The following DBNL variants were observed in gnomAD, a reference collection of about 807,000 sequenced individuals.
DBNL encodes drebrin-like protein.
Under a neutral mutation model 62.2 loss-of-function variants are expected in DBNL, and 35 were observed. That is an observed-to-expected ratio of 0.56 (90% confidence interval 0.43 to 0.75). DBNL has a LOEUF of 0.75. DBNL is among the 30% of genes least tolerant of loss of function. The probability of loss-of-function intolerance (pLI) is 0.00; values close to 1 mark genes in which losing one functional copy is unlikely to be tolerated. For missense variants in DBNL, 495 were observed against 578.4 expected, an observed-to-expected ratio of 0.86 and a Z score of 1.48; for synonymous variants, 197 against 218.0, an observed-to-expected ratio of 0.90 and a Z score of 0.85.
In DBNL at chr7:44,064,793, G is replaced by GCCCCCCCCC; in HGVS notation, c.*3880_*3881insCCCCCCCCC. 8.8e-7 allele frequency: 1 copy of GCCCCCCCCC among 1,136,978 alleles called. No individual in the cohort carries two copies. Among genetic ancestry groups the GCCCCCCCCC allele is most frequent in the Non-Finnish European group, 1.3e-6 (1 of 773,396 alleles). 70.4% of individuals were successfully genotyped at this position (1,136,978 alleles called of 1,614,324 possible). A position where few individuals can be genotyped will look rare whatever the true frequency, so the allele number is the denominator to read the frequency against. On this transcript the variant is annotated 3_prime_UTR_variant, in exon 13 of 13. Transcript: ENST00000448521. Reference sequence around the variant, plus strand: ...AGATGAGAAGCCAGCTGGGGCTGCTGCCCACCCACCCTGCCCAGGCTCCTG... The same window carrying GCCCCCCCCC: ...AGATGAGAAGCCAGCTGGGGCTGCTGCCCCCCCCCCCCACCCACCCTGCCCAGGCTCCTG...
In DBNL at chr7:44,065,621, A is replaced by G; in HGVS notation, c.*4705A>G. 8.2e-7 allele frequency: 1 copy of G among 1,223,996 alleles called. No homozygotes were observed. The highest frequency in any genetic ancestry group is 1.2e-6 in the Non-Finnish European group (1 of 847,080). 75.8% of individuals were successfully genotyped at this position (1,223,996 alleles called of 1,614,324 possible). On this transcript the variant is annotated 3_prime_UTR_variant, in exon 13 of 13. Coordinates refer to ENST00000448521, the MANE Select transcript of DBNL (RefSeq NM_001014436.3). ...AATAGTGTCTTCCCAGCCCCCACCC[A>G]CCCCAGCCAACTGCCAATCAGCATT...
chr7:44,058,838 G>A (rs767084129), intron 8 of DBNL, 64 bp from the exon 9 acceptor site: 9 of 1,597,826 alleles, frequency 5.6e-6, no homozygotes, highest in Non-Finnish European at 6.9e-6. Flanking sequence ...TGGAGGGGCT[G>A]TGATCTGGGG....
In DBNL at chr7:44,065,674, G is replaced by C; in HGVS notation, c.*4758G>C. On this transcript the variant is annotated 3_prime_UTR_variant, in exon 13 of 13. Coordinates refer to ENST00000448521, the MANE Select transcript of DBNL (RefSeq NM_001014436.3). The stretch of plus-strand genomic sequence containing the variant: ...AGGCGGTGGCAGGTGACCAGTAGCT[G>C]AGCTGCTGGGGGCTGGGGGCCAGGG... The C allele has an allele frequency of 2.6e-6, 2 of 775,232 alleles. No homozygotes were observed. Among genetic ancestry groups the C allele is most frequent in the South Asian group, 1.5e-5 (1 of 65,232 alleles). 48.0% of individuals were successfully genotyped at this position (775,232 alleles called of 1,614,324 possible).
In DBNL at chr7:44,062,466, C is replaced by A; in HGVS notation, c.*1550C>A. 2.3e-6 allele frequency: 1 copy of A among 435,616 alleles called. No homozygotes were observed. Among genetic ancestry groups the A allele is most frequent in the Non-Finnish European group, 4.3e-6 (1 of 232,286 alleles). 27.0% of individuals were successfully genotyped at this position (435,616 alleles called of 1,614,324 possible). On this transcript the variant is annotated 3_prime_UTR_variant, in exon 13 of 13. Transcript: ENST00000448521. ...GTCACTTGGCCTCTTCTAACTGGCC[C>A]CAAGCACGCCAATTCTGGAGCATGG...
At chr7:44,051,974 C>T (rs1451758082) in intron 3 of DBNL, 32 bp downstream of exon 3, 1 of 1,588,858 alleles carries the variant, frequency 6.3e-7, no homozygotes, top group Non-Finnish European at 8.6e-7. Flanking sequence ...TAGGTGTGAC[C>T]CAGGAAACCC....
chr7:44,058,320 G>C (rs770522281), intron 7 of DBNL, 40 bp downstream of exon 7: 115 of 1,588,128 alleles, frequency 7.2e-5, no homozygotes, highest in Non-Finnish European at 9.4e-5. Flanking sequence ...GACCCACCCT[G>C]AGGCATTGCT....
chr7:44,045,219 G>A (rs2096114892), intron 1 of DBNL, among the ~76,000 whole-genome samples: 1 of 152,206 alleles, frequency 6.6e-6, no homozygotes, highest in African/African-American at 2.4e-5. Context: ...CTGAGAAGGC[G>A]GAAGCCACGC....
intron 4 of DBNL, among the ~76,000 whole-genome samples, chr7:44,054,611 A>C (rs2096132703): frequency 6.6e-6 from 1 of 152,202 alleles, no homozygotes; most frequent in Non-Finnish European, 1.5e-5. Context: ...TCATCACCTC[A>C]AACATTTATC....
rs1300240665 is a variant in DBNL at position 44,068,021 on chromosome 7, C to T, written c.*7105C>T. The T allele has an allele frequency of 6.6e-6, 1 of 152,128 alleles. No individual in the cohort carries two copies. The highest frequency in any genetic ancestry group is 1.5e-5 in the Non-Finnish European group (1 of 68,024). The allele number at this position is 152,128 out of a possible 1,614,324, so 9.4% of individuals were successfully genotyped here. On this transcript the variant is annotated 3_prime_UTR_variant, in exon 13 of 13. Transcript: ENST00000448521. ...GAATCCCTCCAATTTTTCTTTTCTT[C>T]TCTACCCCAGCTCCTGGGCAGTAAC...
At position 44,044,715 on chromosome 7, in the gene DBNL, G is replaced by A. The variant is rs2096113549; in HGVS notation, c.-23G>A. On this transcript the variant is annotated 5_prime_UTR_variant, in exon 1 of 13. Coordinates refer to ENST00000448521, the MANE Select transcript of DBNL (RefSeq NM_001014436.3). Reference sequence around the variant, plus strand: ...GCCCGGCCCGGAAGCTACAGCAGCGGCGCGGAGACTGCGGGGCGGGCCATG... The same window carrying A: ...GCCCGGCCCGGAAGCTACAGCAGCGACGCGGAGACTGCGGGGCGGGCCATG... The A allele has an allele frequency of 2.0e-6, 3 of 1,483,950 alleles. No homozygotes were observed. Among genetic ancestry groups the A allele is most frequent in the Non-Finnish European group, 2.7e-6 (3 of 1,119,408 alleles). The allele number at this position is 1,483,950 out of a possible 1,614,324, so 91.9% of individuals were successfully genotyped here. A position where few individuals can be genotyped will look rare whatever the true frequency, so the allele number is the denominator to read the frequency against.
In DBNL at chr7:44,062,780, T is replaced by C; in HGVS notation, c.*1864T>C. On this transcript the variant is annotated 3_prime_UTR_variant, in exon 13 of 13. Coordinates refer to ENST00000448521, the MANE Select transcript of DBNL (RefSeq NM_001014436.3). Reference sequence around the variant, plus strand: ...GCCCACCCCTCACTTGGCCTTGCCCTGGGCAGCCACAGCCTCCATGGCCTT... The same window carrying C: ...GCCCACCCCTCACTTGGCCTTGCCCCGGGCAGCCACAGCCTCCATGGCCTT... 2 of 1,614,208 alleles carry C rather than the reference T, an allele frequency of 1.2e-6. No individual in the cohort carries two copies. The highest frequency in any genetic ancestry group is 2.2e-5 in the East Asian group (1 of 44,880).
intron 1 of DBNL, among the ~76,000 whole-genome samples, chr7:44,048,240 T>G (rs910710024): frequency 1.3e-5 from 2 of 152,220 alleles, no homozygotes; most frequent in Non-Finnish European, 2.9e-5. Context: ...AGAGCTGGGT[T>G]GAGCTGCCAT....
intron 8 of DBNL, 85 bp from the exon 9 acceptor site, chr7:44,058,817 G>T: frequency 6.6e-7 from 1 of 1,521,614 alleles, no homozygotes; most frequent in African/African-American, 1.4e-5. Flanking sequence ...AGGGGCTACT[G>T]GGCCGACAGC....
rs1308236739 is a variant in DBNL, at chr7:44,065,387, G to A, written c.*4471G>A. The A allele has an allele frequency of 1.9e-6, 3 of 1,613,906 alleles. No homozygotes were observed. The highest frequency in any genetic ancestry group is 2.5e-6 in the Non-Finnish European group (3 of 1,180,048). ...GTAGCAGATGTCAAACTCCATCTTG[G>A]CATCCTTGATGGCCTTGGCTCCCCG... On this transcript the variant is annotated 3_prime_UTR_variant, in exon 13 of 13. Coordinates refer to ENST00000448521, the MANE Select transcript of DBNL (RefSeq NM_001014436.3).
At position 44,065,055 on chromosome 7, in the gene DBNL, G is replaced by C; in HGVS notation, c.*4139G>C. On this transcript the variant is annotated 3_prime_UTR_variant, in exon 13 of 13. Coordinates refer to ENST00000448521, the MANE Select transcript of DBNL (RefSeq NM_001014436.3). ...GCTGCTTTCCCTCCCAAGCCAGTGG[G>C]CCCCCACCCGACTCCCCACTCTGCA... 6.2e-7 allele frequency: 1 copy of C among 1,609,530 alleles called. No homozygotes were observed. The highest frequency in any genetic ancestry group is 8.5e-7 in the Non-Finnish European group (1 of 1,179,720).
chr7:44,051,341 G>A (rs545131226), intron 2 of DBNL: 1 of 160,444 alleles, frequency 6.2e-6, no homozygotes, highest in Admixed American at 6.0e-5. Flanking sequence ...CGCCACTGCA[G>A]GATGTTCAAT....
In DBNL at chr7:44,060,950, A is replaced by G. The variant is rs775238662; in HGVS notation, c.*34A>G. The G allele has an allele frequency of 3.8e-5, 61 of 1,603,152 alleles. No homozygotes were observed. In the Middle Eastern group the frequency reaches 2.2e-3, roughly 57 times the overall value. On this transcript the variant is annotated 3_prime_UTR_variant, in exon 13 of 13. Transcript: ENST00000448521. The surrounding 1 kb of genome is among the most constrained non-coding windows in gnomAD (Gnocchi z 6.3). The stretch of plus-strand genomic sequence containing the variant: ...GCACATCTTGCCCTTCCCCTCTCAG[A>G]CATGGCTTCCTTATTGCTGGAAGAG...
intron 8 of DBNL, 48 bp from the exon 9 acceptor site, chr7:44,058,851 AGGT>A (rs2096142165): frequency 5.0e-6 from 8 of 1,607,920 alleles, no homozygotes; most frequent in Non-Finnish European, 6.8e-6. Flanking sequence ...ATCTGGGGAG[AGGT>A]GGTGAAGGTT....
In DBNL at chr7:44,059,705, A is replaced by G. The variant is rs1474148669; in HGVS notation, c.1047+47A>G. The G allele has an allele frequency of 6.6e-7, 1 of 1,515,366 alleles. No homozygotes were observed. The highest frequency in any genetic ancestry group is 2.1e-5 in the Admixed American group (1 of 48,172). The allele number at this position is 1,515,366 out of a possible 1,614,324, so 93.9% of individuals were successfully genotyped here. On this transcript the variant is annotated intron_variant, in intron 11 of 12. Transcript: ENST00000448521. The surrounding 1 kb of genome is among the most constrained non-coding windows in gnomAD (Gnocchi z 4.1). ...GGGGCCAGGAAGGGGCTGCATACTC[A>G]GGAACACTTATCACGGGCCGCCTGA... is the stretch of plus-strand genomic sequence containing the variant.
Sources: allele counts gnomAD v4.1 joint callset (sites outside exome capture counted in the v4.1 genomes callset), GRCh38; gene constraint gnomAD v4.1.1; non-coding constraint Gnocchi (gnomAD v3.1); transcripts MANE v1.5; gene names NCBI Gene and HGNC (gene_info 2026-07-23, HGNC 2026-07-21).